The following ABCC1 variants were observed in gnomAD, a reference collection of about 807,000 sequenced individuals.
ABCC1 encodes the protein ATP binding cassette subfamily C member 1 (ABCC1 blood group).
A neutral mutation model predicts 172.9 loss-of-function variants in ABCC1; 83 were observed. That is an observed-to-expected ratio of 0.48 (90% CI 0.40 to 0.58). The LOEUF is 0.58. ABCC1 is among the 20% of genes least tolerant of loss of function. The probability of loss-of-function intolerance (pLI) is 0.00; values close to 1 mark genes in which losing one functional copy is unlikely to be tolerated. For synonymous variants in ABCC1, 937 were observed against 825.2 expected, an observed-to-expected ratio of 1.14 and a Z score of -2.32; for missense variants, 1,817 against 2,002.7, an observed-to-expected ratio of 0.91 and a Z score of 1.77.
At chr16:16,074,866 CA>C (rs2050492975) in intron 14 of ABCC1, among the ~76,000 whole-genome samples, 1 of 151,624 alleles carries the variant, frequency 6.6e-6, no homozygotes, top group African/African-American at 2.4e-5. Context: ...ACAACTTAAA[CA>C]AAAAATACTC....
chr16:15,959,091 A>G (rs1467203450), intron 1 of ABCC1, among the ~76,000 whole-genome samples: 1 of 152,100 alleles, frequency 6.6e-6, no homozygotes, highest in Non-Finnish European at 1.5e-5. Context: ...CTCATCCTGC[A>G]TTTCCCTAGG....
intron 24 of ABCC1, 55 bp downstream of exon 24, chr16:16,122,229 C>A (rs144728627): frequency 2.3e-5 from 36 of 1,584,494 alleles, no homozygotes; most frequent in Non-Finnish European, 3.1e-5. Context: ...AGCACCTTGT[C>A]TCTTTGCCTC....
intron 3 of ABCC1, among the ~76,000 whole-genome samples, chr16:16,010,863 C>G (rs45610332): frequency 0.042 from 6,448 of 152,190 alleles, 452 homozygotes; most frequent in African/African-American, 0.14. Context: ...AGATGCCATG[C>G]TTTTAGCCCC....
At chr16:16,119,080 A>G (rs992285935) in intron 23 of ABCC1, among the ~76,000 whole-genome samples, 5 of 152,174 alleles carry the variant, frequency 3.3e-5, no homozygotes, top group Middle Eastern at 3.2e-3. Flanking sequence ...ATTTGGGTTT[A>G]TCTCAGAGAT....
intron 1 of ABCC1, among the ~76,000 whole-genome samples, chr16:15,951,890 A>G (rs184279005): frequency 5.3e-5 from 8 of 152,182 alleles, no homozygotes; most frequent in Admixed American, 2.0e-4. Flanking sequence ...GATTCGCACT[A>G]TATTGCCCAG....
At chr16:15,996,473 C>T (rs893397047) in intron 1 of ABCC1, among the ~76,000 whole-genome samples, 4 of 152,176 alleles carry the variant, frequency 2.6e-5, no homozygotes, top group Admixed American at 2.0e-4. Context: ...GCTCAGGCCT[C>T]AGTGGAACTT....
At chr16:16,103,593 A>G (rs556450697) in intron 20 of ABCC1, among the ~76,000 whole-genome samples, 36 of 152,182 alleles carry the variant, frequency 2.4e-4, no homozygotes, top group African/African-American at 7.5e-4. Flanking sequence ...AAACAAAAAC[A>G]AAACAAAACA....
chr16:16,099,018 C>CGGTT lies in ABCC1; in HGVS notation c.2645-3607_2645-3604dup, dbSNP rs1451936601. The stretch of plus-strand genomic sequence containing the variant: ...TCAGATGTCTGTGTTTTCACCCCTC[C>CGGTT]GGTTGTTCATTGGTTCATTTAGCAC... On this transcript the variant is annotated intron_variant, in intron 19 of 30. Transcript: ENST00000399410. 4 of 916,578 alleles carry CGGTT rather than the reference C, an allele frequency of 4.4e-6. No homozygotes were observed. The African/African-American group carries it at 6.8e-5, about 15-fold the overall frequency. The allele number at this position is 916,578 out of a possible 1,614,324, so 56.8% of individuals were successfully genotyped here.
At position 16,007,859 on chromosome 16, in the gene ABCC1, A is replaced by T; in HGVS notation, c.92A>T (p.Lys31Met). The T allele has an allele frequency of 1.4e-5, 22 of 1,613,382 alleles. No individual in the cohort carries two copies. The highest frequency in any genetic ancestry group is 1.8e-5 in the Non-Finnish European group (21 of 1,179,760). Residue 31 changes from lysine to methionine, a missense_variant, in exon 2 of 31, where the codon AAG becomes ATG. Around this residue, in one of 3 missense-constraint regions of ABCC1, gnomAD observed 398 missense variants for 384.2 expected, o/e 1.04. Transcript: ENST00000399410. ...TWNTSNPDFT[K>M]CFQNTVLVWV... ...AATACCAGCAACCCCGACTTCACCAAGTGCTTTCAGAACACGGTCCTCGTG... is the reference window on the plus strand; with the variant it reads ...AATACCAGCAACCCCGACTTCACCATGTGCTTTCAGAACACGGTCCTCGTG...
At position 16,122,114 on chromosome 16, in the gene ABCC1, A is replaced by G. The variant is rs2045193197; in HGVS notation, c.3530A>G (p.Gln1177Arg). Residue 1177 changes from glutamine (Q) to arginine (R), a missense_variant, in exon 24 of 31, where the codon CAG (glutamine) becomes CGG (arginine). Around this residue, in one of 3 missense-constraint regions of ABCC1, gnomAD observed 1,412 missense variants for 1,600.3 expected, o/e 0.88. Coordinates refer to ENST00000399410, the MANE Select transcript of ABCC1 (RefSeq NM_004996.4). ...AFEEQERFIH[Q>R]SDLKVDENQK... ...GAGGAGCAGGAGCGCTTCATCCACC[A>G]GAGTGACCTGAAGGTGGACGAGAAC... 1 of 1,614,202 alleles carries G rather than the reference A, an allele frequency of 6.2e-7. No homozygotes were observed. The highest frequency in any genetic ancestry group is 1.1e-5 in the South Asian group (1 of 91,090).
rs944951357 is a variant in ABCC1, at chr16:16,036,391, G to T, written c.678-81G>T. 5 of 1,354,134 alleles carry T rather than the reference G, an allele frequency of 3.7e-6. No individual in the cohort carries two copies. In the African/African-American group the frequency reaches 4.3e-5, roughly 12 times the overall value. The allele number at this position is 1,354,134 out of a possible 1,614,324, so 83.9% of individuals were successfully genotyped here. A position where few individuals can be genotyped will look rare whatever the true frequency, so the allele number is the denominator to read the frequency against. On this transcript the variant is annotated intron_variant, in intron 6 of 30. Transcript: ENST00000399410. The stretch of plus-strand genomic sequence containing the variant: ...GCAGAGGGGAGCAGCATCAGCAGGC[G>T]TGTGGAGTGAGTGAGCCCCGTCCTC...
intron 5 of ABCC1, among the ~76,000 whole-genome samples, chr16:16,021,642 G>A (rs1240035860): frequency 6.6e-6 from 1 of 152,144 alleles, no homozygotes; most frequent in African/African-American, 2.4e-5. Flanking sequence ...GCTTGTGCCC[G>A]GGAGGCGGAG....
intron 1 of ABCC1, among the ~76,000 whole-genome samples, chr16:15,984,906 C>T (rs1263454016): frequency 6.6e-6 from 1 of 151,968 alleles, no homozygotes; most frequent in Non-Finnish European, 1.5e-5. Flanking sequence ...AGTTTGAGAC[C>T]AGCCTGGGCA....
Position 15,972,787 on chromosome 16 carries a change from C to CTTTTT in ABCC1, c.48+23009_48+23013dup, listed in dbSNP as rs35086205. On this transcript the variant is annotated intron_variant, in intron 1 of 30. Transcript: ENST00000399410. ...TGTCCAACATGTACTTATTTTTTAA[C>CTTTTT]TTTTTTTTTTTTTTTTTTTTTTTTT... Among the ~76,000 whole-genome samples, 52 of 89,324 alleles carry CTTTTT rather than the reference C, an allele frequency of 5.8e-4. 2 individuals are homozygous for CTTTTT. Among genetic ancestry groups the CTTTTT allele is most frequent in the Non-Finnish European group, 8.2e-4 (40 of 48,874 alleles). The allele number at this position is 89,324 out of a possible 152,430, so 58.6% of individuals were successfully genotyped here. A position where few individuals can be genotyped will look rare whatever the true frequency, so the allele number is the denominator to read the frequency against.
chr16:16,113,477 A>G (rs1381270636), intron 22 of ABCC1, among the ~76,000 whole-genome samples: 1 of 152,152 alleles, frequency 6.6e-6, no homozygotes, highest in Non-Finnish European at 1.5e-5. Context: ...CAGCATGGCA[A>G]AACCCTGTTT....
At chr16:16,007,148 G>C (rs2047570840) in intron 1 of ABCC1, among the ~76,000 whole-genome samples, 1 of 151,904 alleles carries the variant, frequency 6.6e-6, no homozygotes, top group Non-Finnish European at 1.5e-5. Context: ...TCTGGGGACT[G>C]TTAATGTGAG....
In ABCC1 at chr16:16,138,568, C is replaced by G; in HGVS notation, c.4487+10C>G. On this transcript the variant is annotated intron_variant, in intron 30 of 30. Transcript: ENST00000399410. ...TCATGGACTACACAAGGTGATGCCACTGGCACAGTGGCCTCTAGGCTTTGG... is the reference window on the plus strand; with the variant it reads ...TCATGGACTACACAAGGTGATGCCAGTGGCACAGTGGCCTCTAGGCTTTGG... 1 of 1,566,630 alleles carries G rather than the reference C, an allele frequency of 6.4e-7. No homozygotes were observed. Among genetic ancestry groups the G allele is most frequent in the Non-Finnish European group, 8.7e-7 (1 of 1,147,964 alleles).
intron 28 of ABCC1, 115 bp from the exon 29 acceptor site, chr16:16,136,363 A>C: frequency 8.7e-7 from 1 of 1,148,926 alleles, no homozygotes; most frequent in Non-Finnish European, 1.2e-6. Flanking sequence ...TAGTGATTCC[A>C]AGGAGCTCTG....
chr16:16,141,122 G>A (rs35224183), intron 30 of ABCC1, 51 bp from the exon 31 acceptor site: 6 of 1,551,378 alleles, frequency 3.9e-6, no homozygotes, highest in Non-Finnish European at 1.8e-6. Context: ...CCAGGGGCAC[G>A]AGGTGCTCAC....
Sources: allele counts gnomAD v4.1 joint callset (sites outside exome capture counted in the v4.1 genomes callset), GRCh38; gene constraint gnomAD v4.1.1; regional missense constraint gnomAD v4.1.1; transcripts MANE v1.5; gene names NCBI Gene and HGNC (gene_info 2026-07-23, HGNC 2026-07-21).